CDK5: variants seen among roughly 807,000 people sequenced by gnomAD.
The protein encoded by CDK5 is cyclin-dependent kinase 5.
Under a neutral mutation model 44.6 loss-of-function variants are expected in CDK5, and 18 were observed. That is an observed-to-expected ratio of 0.40 (90% CI 0.28 to 0.60). The LOEUF is 0.60. Among genes scored for constraint, CDK5 ranks in the 20% least tolerant of loss-of-function variants. CDK5 has a pLI of 0.38. For missense variants in CDK5, 198 were observed against 368.1 expected, an observed-to-expected ratio of 0.54 and a Z score of 3.78; for synonymous variants, 143 against 152.8, an observed-to-expected ratio of 0.94 and a Z score of 0.47.
chr7:151,053,915 A>G lies in CDK5; in HGVS notation c.*94T>C. On this transcript the variant is annotated 3_prime_UTR_variant, in exon 12 of 12. Transcript: ENST00000485972. ...CCCCGGCTGGGCCCAGCACTGCTGG[A>G]GCACAGCGCACCAGGCACCCCCACT... 9.1e-7 allele frequency: 1 copy of G among 1,101,274 alleles called. No individual in the cohort carries two copies. Among genetic ancestry groups the G allele is most frequent in the Non-Finnish European group, 1.3e-6 (1 of 761,124 alleles). The allele number at this position is 1,101,274 out of a possible 1,614,324, so 68.2% of individuals were successfully genotyped here.
Position 151,057,833 on chromosome 7 carries a change from T to G in CDK5, c.16A>C (p.Lys6Gln). Residue 6 changes from lysine to glutamine, a missense_variant, in exon 1 of 12, where the codon AAA (lysine) becomes CAA (glutamine). By Grantham distance (53) the Lys-to-Gln change is moderately conservative (BLOSUM62 1). This residue lies in a region of CDK5 where 53 missense variants were observed against 122.7 expected (regional missense o/e 0.43). Coordinates refer to ENST00000485972, the MANE Select transcript of CDK5 (RefSeq NM_004935.4). The surrounding 1 kb of genome is among the most constrained non-coding windows in gnomAD (Gnocchi z 5.2). ...TTACCTTCCCCAATCTTTTCCAGTTTCTCGTATTTCTGCATCGCGGCGGCC... is the reference window on the plus strand; with the variant it reads ...TTACCTTCCCCAATCTTTTCCAGTTGCTCGTATTTCTGCATCGCGGCGGCC... MQKYE[K>Q]LEKIGEGTYG... 1 of 1,611,880 alleles carries G rather than the reference T, an allele frequency of 6.2e-7. No individual in the cohort carries two copies. The highest frequency in any genetic ancestry group is 8.5e-7 in the Non-Finnish European group (1 of 1,179,074).
chr7:151,056,121 G>A lies in CDK5; in HGVS notation c.313-273C>T, dbSNP rs1191366385. ...GCAGGTGGATCCTAGATCCGGCCTA[G>A]ATCCCAGCCCATGCTGATCTTCCCT... On this transcript the variant is annotated intron_variant, in intron 5 of 11. Transcript: ENST00000485972. The surrounding 1 kb of genome is among the most constrained non-coding windows in gnomAD (Gnocchi z 4.7). 1.8e-6 allele frequency: 1 copy of A among 545,376 alleles called. No individual in the cohort carries two copies. Among genetic ancestry groups the A allele is most frequent in the South Asian group, 2.4e-5 (1 of 40,840 alleles). The allele number at this position is 545,376 out of a possible 1,614,324, so 33.8% of individuals were successfully genotyped here.
At position 151,057,446 on chromosome 7, in the gene CDK5, G is replaced by A. The variant is rs2069445; in HGVS notation, c.38-286C>T. 2.0e-3 allele frequency: 1,201 copies of A among 589,830 alleles called. 20 individuals carry two copies. The African/African-American group carries it at 0.02, about 10-fold the overall frequency. 36.5% of individuals were successfully genotyped at this position (589,830 alleles called of 1,614,324 possible). On this transcript the variant is annotated intron_variant, in intron 1 of 11. Coordinates refer to ENST00000485972, the MANE Select transcript of CDK5 (RefSeq NM_004935.4). The surrounding 1 kb of genome is among the most constrained non-coding windows in gnomAD (Gnocchi z 5.2). ...GAAGGGTCTGGAAATAGTGAGGAGGGGTCTGGGAGAGGACTGAGGGGCTGC... is the reference window on the plus strand; with the variant it reads ...GAAGGGTCTGGAAATAGTGAGGAGGAGTCTGGGAGAGGACTGAGGGGCTGC...
In CDK5 at chr7:151,056,511, A is replaced by T; in HGVS notation, c.312+69T>A. ...TGTTCAGGGCCCAAACTTAGAGCCC[A>T]AGGGGTGCTTACACCGAATGCAGAC... On this transcript the variant is annotated intron_variant, in intron 5 of 11. Coordinates refer to ENST00000485972, the MANE Select transcript of CDK5 (RefSeq NM_004935.4). This position sits in a 1 kb window ranked among gnomAD's most constrained non-coding sequence, Gnocchi z 4.7. 7.0e-7 allele frequency: 1 copy of T among 1,420,194 alleles called. No homozygotes were observed. Among genetic ancestry groups the T allele is most frequent in the Non-Finnish European group, 9.8e-7 (1 of 1,015,310 alleles). The allele number at this position is 1,420,194 out of a possible 1,614,324, so 88.0% of individuals were successfully genotyped here.
chr7:151,057,829 A>T lies in CDK5; in HGVS notation c.20T>A (p.Leu7Gln), dbSNP rs1238531424. 1.2e-6 allele frequency: 2 copies of T among 1,611,718 alleles called. No individual in the cohort carries two copies. The highest frequency in any genetic ancestry group is 2.7e-5 in the African/African-American group (2 of 74,836). The change falls in exon 1 of 12, where the codon CTG becomes CAG. Residue 7 changes from leucine (L) to glutamine (Q), a missense_variant. Leu to Gln is a moderately radical substitution (Grantham distance 113, BLOSUM62 -2). Coordinates refer to ENST00000485972, the MANE Select transcript of CDK5 (RefSeq NM_004935.4). This position sits in a 1 kb window ranked among gnomAD's most constrained non-coding sequence, Gnocchi z 5.2. Reference protein sequence around the residue: MQKYEKLEKIGEGTYGT... With the variant: MQKYEKQEKIGEGTYGT... ...TCCATTACCTTCCCCAATCTTTTCC[A>T]GTTTCTCGTATTTCTGCATCGCGGC...
rs757027718 is a variant in CDK5 at position 151,054,405 on chromosome 7, C to A, written c.711G>T (p.Lys237Asn). Residue 237 changes from lysine to asparagine, a missense_variant and splice_region_variant, in exon 10 of 12, where the codon AAG (lysine) becomes AAT (asparagine). This residue lies in a region of CDK5 where 81 missense variants were observed against 102.1 expected (regional missense o/e 0.79). Coordinates refer to ENST00000485972, the MANE Select transcript of CDK5 (RefSeq NM_004935.4). This position sits in a 1 kb window ranked among gnomAD's most constrained non-coding sequence, Gnocchi z 5.7. ...WPSMTKLPDY[K>N]PYPMYPATTS... ...ATGACCCCCACATTCCCCATCACAC[C>A]TTATAGTCTGGCAGCTTGGTCATAG... 6 of 1,613,468 alleles carry A rather than the reference C, an allele frequency of 3.7e-6. No individual in the cohort carries two copies. The highest frequency in any genetic ancestry group is 5.1e-6 in the Non-Finnish European group (6 of 1,179,632).
chr7:151,054,142 C>G lies in CDK5; in HGVS notation c.793-47G>C, dbSNP rs772289977. 6.3e-7 allele frequency: 1 copy of G among 1,588,116 alleles called. No homozygotes were observed. Among genetic ancestry groups the G allele is most frequent in the Non-Finnish European group, 8.6e-7 (1 of 1,166,164 alleles). On this transcript the variant is annotated intron_variant, in intron 11 of 11. Transcript: ENST00000485972. The surrounding 1 kb of genome is among the most constrained non-coding windows in gnomAD (Gnocchi z 5.7). ...TGGCAGGTTCAGGACAGGTCACTGC[C>G]CAGAGCCCTGCCTTCCTGTAGTCCC...
In CDK5 at chr7:151,056,628, C is replaced by T. The variant is rs1329608831; in HGVS notation, c.264G>A (p.Lys88=). 1.9e-6 allele frequency: 3 copies of T among 1,612,286 alleles called. No individual in the cohort carries two copies. The highest frequency in any genetic ancestry group is 2.2e-5 in the East Asian group (1 of 44,882). ...LVFEFCDQDL[K]KYFDSCNGDL... is the part of the protein sequence containing the mutation. ...CACCATTGCAACTGTCAAAATACTT[C>T]TTCAGGTCCTGAAAAGGGATATGAG... is the stretch of plus-strand genomic sequence containing the variant. The change falls in exon 5 of 12, where the codon AAG becomes AAA. Residue 88 remains lysine (K), a synonymous_variant. Transcript: ENST00000485972. This position sits in a 1 kb window ranked among gnomAD's most constrained non-coding sequence, Gnocchi z 4.7.
chr7:151,056,479 GTGTCCC>G lies in CDK5; in HGVS notation c.312+95_312+100del. The G allele has an allele frequency of 1.0e-6, 1 of 983,402 alleles. No individual in the cohort carries two copies. The highest frequency in any genetic ancestry group is 1.6e-6 in the Non-Finnish European group (1 of 627,434). 60.9% of individuals were successfully genotyped at this position (983,402 alleles called of 1,614,324 possible). A position where few individuals can be genotyped will look rare whatever the true frequency, so the allele number is the denominator to read the frequency against. ...TTTTCTCATTCTCTAACACCCTAGA[GTGTCCC>G]TGTTCAGGGCCCAAACTTAGAGCCC... On this transcript the variant is annotated intron_variant, in intron 5 of 11. Transcript: ENST00000485972. This position sits in a 1 kb window ranked among gnomAD's most constrained non-coding sequence, Gnocchi z 4.7.
intron 6 of CDK5, 54 bp downstream of exon 6, chr7:151,055,699 T>TC: frequency 6.5e-7 from 1 of 1,539,192 alleles, no homozygotes; most frequent in Non-Finnish European, 8.9e-7. Flanking sequence ...CCCTCTGTGC[T>TC]CCCCGTGCCC....
Position 151,055,041 on chromosome 7 carries a change from C to T in CDK5, c.636G>A (p.Leu212=). 1.2e-6 allele frequency: 2 copies of T among 1,613,848 alleles called. No individual in the cohort carries two copies. The highest frequency in any genetic ancestry group is 1.7e-6 in the Non-Finnish European group (2 of 1,179,834). ...AGCAAGGATATCGGAAGATCCTCTTCAACTGGTCATCGACATCATTGCCGG... is the reference window on the plus strand; with the variant it reads ...AGCAAGGATATCGGAAGATCCTCTTTAACTGGTCATCGACATCATTGCCGG... ...LFPGNDVDDQ[L]KRIFRLLGTP... is the part of the protein sequence containing the mutation. Residue 212 remains leucine, a synonymous_variant, in exon 9 of 12, where the codon TTG becomes TTA. Coordinates refer to ENST00000485972, the MANE Select transcript of CDK5 (RefSeq NM_004935.4).
chr7:151,056,869 A>G lies in CDK5; in HGVS notation c.194+39T>C, dbSNP rs758565818. On this transcript the variant is annotated intron_variant, in intron 3 of 11. Coordinates refer to ENST00000485972, the MANE Select transcript of CDK5 (RefSeq NM_004935.4). This position sits in a 1 kb window ranked among gnomAD's most constrained non-coding sequence, Gnocchi z 4.7. ...CCAGTGTCAGCCCCCGCCTCCCCCA[A>G]GCGGCCACACCGGCAAGGAGCACCC... is the stretch of plus-strand genomic sequence containing the variant. 9 of 1,594,652 alleles carry G rather than the reference A, an allele frequency of 5.6e-6. No homozygotes were observed. In the African/African-American group the frequency reaches 9.4e-5, roughly 17 times the overall value.
In CDK5 at chr7:151,057,226, C is replaced by T. The variant is rs886695146; in HGVS notation, c.38-66G>A. Reference sequence around the variant, plus strand: ...CTCTTCCCTAAGCCAGGAAATGCCTCCTGAGAGAGGTGAAGGCAGCGTCTC... The same window carrying T: ...CTCTTCCCTAAGCCAGGAAATGCCTTCTGAGAGAGGTGAAGGCAGCGTCTC... On this transcript the variant is annotated intron_variant, in intron 1 of 11. Transcript: ENST00000485972. This position sits in a 1 kb window ranked among gnomAD's most constrained non-coding sequence, Gnocchi z 5.2. 1.1e-5 allele frequency: 13 copies of T among 1,221,296 alleles called. No homozygotes were observed. The highest frequency in any genetic ancestry group is 1.6e-5 in the Non-Finnish European group (13 of 821,676). The allele number at this position is 1,221,296 out of a possible 1,614,324, so 75.7% of individuals were successfully genotyped here.
chr7:151,054,263 G>C lies in CDK5; in HGVS notation c.741C>G (p.Ser247=). ...KPYPMYPATT[S]LVNVVPKLNA... ...TGAGTTTGGGCACGACGTTCACCAG[G>C]GATGTTGTGGCCGGGTACATCGGAT... Residue 247 remains serine, a synonymous_variant, in exon 11 of 12, where the codon TCC becomes TCG. Transcript: ENST00000485972. The surrounding 1 kb of genome is among the most constrained non-coding windows in gnomAD (Gnocchi z 5.7). The C allele has an allele frequency of 6.2e-7, 1 of 1,613,786 alleles. No homozygotes were observed. Among genetic ancestry groups the C allele is most frequent in the East Asian group, 2.2e-5 (1 of 44,884 alleles).
rs970294640 is a variant in CDK5, at chr7:151,056,472, C to T, written c.312+108G>A. On this transcript the variant is annotated intron_variant, in intron 5 of 11. Coordinates refer to ENST00000485972, the MANE Select transcript of CDK5 (RefSeq NM_004935.4). The surrounding 1 kb of genome is among the most constrained non-coding windows in gnomAD (Gnocchi z 4.7). ...AACAGGGTTTTCTCATTCTCTAACA[C>T]CCTAGAGTGTCCCTGTTCAGGGCCC... The T allele has an allele frequency of 4.2e-6, 4 of 941,426 alleles. No homozygotes were observed. The highest frequency in any genetic ancestry group is 3.1e-4 in the Middle Eastern group (1 of 3,262). The allele number at this position is 941,426 out of a possible 1,614,324, so 58.3% of individuals were successfully genotyped here.
chr7:151,054,282 A>G lies in CDK5; in HGVS notation c.722T>C (p.Met241Thr), dbSNP rs1293293647. 15 of 1,613,676 alleles carry G rather than the reference A, an allele frequency of 9.3e-6. No homozygotes were observed. The highest frequency in any genetic ancestry group is 1.3e-5 in the Non-Finnish European group (15 of 1,179,808). ...CACCAGGGATGTTGTGGCCGGGTACATCGGATAGGGCTGTGGAGAGGCAGG... is the reference window on the plus strand; with the variant it reads ...CACCAGGGATGTTGTGGCCGGGTACGTCGGATAGGGCTGTGGAGAGGCAGG... ...TKLPDYKPYPMYPATTSLVNV... is the reference protein window; with the variant it reads ...TKLPDYKPYPTYPATTSLVNV... The change falls in exon 11 of 12, where the codon ATG (methionine) becomes ACG (threonine). Residue 241 changes from methionine (M) to threonine (T), a missense_variant. Physicochemically the swap from Met to Thr is moderately conservative, Grantham distance 81 (BLOSUM62 -1). Around this residue, in one of 4 missense-constraint regions of CDK5, gnomAD observed 81 missense variants for 102.1 expected, o/e 0.79. Coordinates refer to ENST00000485972, the MANE Select transcript of CDK5 (RefSeq NM_004935.4). This position sits in a 1 kb window ranked among gnomAD's most constrained non-coding sequence, Gnocchi z 5.7.
In CDK5 at chr7:151,055,802, C is replaced by T. The variant is rs770858106; in HGVS notation, c.359G>A (p.Arg120His). 6 of 1,611,962 alleles carry T rather than the reference C, an allele frequency of 3.7e-6. No individual in the cohort carries two copies. The highest frequency in any genetic ancestry group is 1.3e-5 in the African/African-American group (1 of 74,990). ...LLKGLGFCHS[R>H]NVLHRDLKPQ... is the part of the protein sequence containing the mutation. ...CTTCAGGTCCCTGTGTAGCACATTG[C>T]GGCTATGACAGAATCCCAGCCCTTT... Residue 120 changes from arginine (R) to histidine (H), a missense_variant, in exon 6 of 12, where the codon CGC (arginine) becomes CAC (histidine). Coordinates refer to ENST00000485972, the MANE Select transcript of CDK5 (RefSeq NM_004935.4).
chr7:151,056,277 A>T lies in CDK5; in HGVS notation c.312+303T>A. On this transcript the variant is annotated intron_variant, in intron 5 of 11. Transcript: ENST00000485972. This position sits in a 1 kb window ranked among gnomAD's most constrained non-coding sequence, Gnocchi z 4.7. The stretch of plus-strand genomic sequence containing the variant: ...TTGGGCCTAGAAAAGCACCTGGCAC[A>T]CAGTGAAGCATTCAGTAAGTATGTG... 1.8e-6 allele frequency: 1 copy of T among 554,194 alleles called. No individual in the cohort carries two copies. 34.3% of individuals were successfully genotyped at this position (554,194 alleles called of 1,614,324 possible). A position where few individuals can be genotyped will look rare whatever the true frequency, so the allele number is the denominator to read the frequency against.
At position 151,053,944 on chromosome 7, in the gene CDK5, T is replaced by C. The variant is rs1796842681; in HGVS notation, c.*65A>G. The C allele has an allele frequency of 4.3e-6, 6 of 1,408,646 alleles. No homozygotes were observed. The highest frequency in any genetic ancestry group is 5.9e-6 in the Non-Finnish European group (6 of 1,024,718). 87.3% of individuals were successfully genotyped at this position (1,408,646 alleles called of 1,614,324 possible). ...CAGCGCACCAGGCACCCCCACTGTCTCACCCCTCTCAAGAGGGGGCTTAAA... is the reference window on the plus strand; with the variant it reads ...CAGCGCACCAGGCACCCCCACTGTCCCACCCCTCTCAAGAGGGGGCTTAAA... On this transcript the variant is annotated 3_prime_UTR_variant, in exon 12 of 12. Transcript: ENST00000485972.
Sources: allele counts gnomAD v4.1 joint callset, GRCh38; gene constraint gnomAD v4.1.1; regional missense constraint gnomAD v4.1.1; non-coding constraint Gnocchi (gnomAD v3.1); transcripts MANE v1.5; gene names NCBI Gene and HGNC (gene_info 2026-07-23, HGNC 2026-07-21).